The following USP6NL variants were observed in gnomAD, a reference collection of about 807,000 sequenced individuals.
USP6NL encodes USP6 N-terminal like, also known as USP6 N-terminal-like protein.
Under a neutral mutation model 61.9 loss-of-function variants are expected in USP6NL, and 26 were observed. The observed-to-expected ratio is 0.42, with a 90% CI of 0.31 to 0.58. The LOEUF (loss-of-function observed/expected upper bound fraction) is 0.58. USP6NL is among the 20% of genes least tolerant of loss of function. The probability of loss-of-function intolerance (pLI) is 0.16; values close to 1 mark genes in which losing one functional copy is unlikely to be tolerated. For synonymous variants in USP6NL, 432 were observed against 390.1 expected (o/e 1.11, Z -1.27); for missense variants, 1,114 against 1,034.3 (o/e 1.08, Z -1.06).
intron 2 of USP6NL, among the ~76,000 whole-genome samples, chr10:11,578,284 G>A (rs995187312): frequency 7.2e-5 from 11 of 152,160 alleles, no homozygotes; most frequent in Admixed American, 3.9e-4. Flanking sequence ...TGTAATTTAT[G>A]AACAATTCAT....
At chr10:11,480,560 C>T (rs771674927) in intron 14 of USP6NL, among the ~76,000 whole-genome samples, 4 of 152,214 alleles carry the variant, frequency 2.6e-5, no homozygotes, top group Non-Finnish European at 5.9e-5. Context: ...AGGCCAAGGC[C>T]CACACCCCAT....
At chr10:11,501,012 C>A in intron 7 of USP6NL, 89 bp downstream of exon 7, 1 of 1,001,774 alleles carries the variant, frequency 1.0e-6, no homozygotes, top group South Asian at 2.4e-5. Flanking sequence ...TTTAAGTGAT[C>A]ATATGAATAT....
intron 2 of USP6NL, among the ~76,000 whole-genome samples, chr10:11,579,869 T>C (rs192496307): frequency 2.7e-5 from 4 of 150,824 alleles, no homozygotes; most frequent in Admixed American, 1.4e-4. Context: ...CTCAACTCTA[T>C]TGTACAATAC....
intron 6 of USP6NL, among the ~76,000 whole-genome samples, chr10:11,504,684 C>T (rs968463138): frequency 6.6e-6 from 1 of 152,222 alleles, no homozygotes; most frequent in East Asian, 1.9e-4. Context: ...TTGTGGCCAA[C>T]GCTTATGAGG....
At chr10:11,514,617 C>T (rs1834877509) in intron 5 of USP6NL, among the ~76,000 whole-genome samples, 1 of 152,128 alleles carries the variant, frequency 6.6e-6, no homozygotes, top group Non-Finnish European at 1.5e-5. Context: ...TTTACCATTT[C>T]TTAGTGTTCT....
rs1159209087 is a variant in USP6NL, at chr10:11,478,756, T to G, written c.1078+3014A>C. The stretch of plus-strand genomic sequence containing the variant: ...CCTGCCTCTACAAAAAATACTAAAA[T>G]TACCCAGGAGTGGTGGCATGCACCT... On this transcript the variant is annotated intron_variant, in intron 14 of 14. Coordinates refer to ENST00000609104, the MANE Select transcript of USP6NL (RefSeq NM_014688.5). This position sits in a 1 kb window ranked among gnomAD's most constrained non-coding sequence, Gnocchi z 6.8. Among the ~76,000 whole-genome samples, 2 of 151,958 alleles carry G rather than the reference T, an allele frequency of 1.3e-5. No homozygotes were observed. Among genetic ancestry groups the G allele is most frequent in the African/African-American group, 4.8e-5 (2 of 41,362 alleles).
rs374849121 is a variant in USP6NL, at chr10:11,463,160, C to T, written c.1768G>A (p.Ala590Thr). Reference sequence around the variant, plus strand: ...TTTGATGGACTAGAACTTGGCTCAGCGTGCTTTCTCGGGCTAGGAGGGTAA... The same window carrying T: ...TTTGATGGACTAGAACTTGGCTCAGTGTGCTTTCTCGGGCTAGGAGGGTAA... ...ALYPPSPRKH[A>T]EPSSSPSKVS... Residue 590 changes from alanine (A) to threonine (T), a missense_variant, in exon 15 of 15, where the codon GCT becomes ACT. Transcript: ENST00000609104. The surrounding 1 kb of genome is among the most constrained non-coding windows in gnomAD (Gnocchi z 6.3). 1.1e-5 allele frequency: 18 copies of T among 1,613,744 alleles called. No individual in the cohort carries two copies. The highest frequency in any genetic ancestry group is 1.5e-5 in the Non-Finnish European group (18 of 1,179,890).
At chr10:11,502,284 G>A (rs1362478065) in intron 6 of USP6NL, among the ~76,000 whole-genome samples, 6 of 149,872 alleles carry the variant, frequency 4.0e-5, no homozygotes, top group Admixed American at 4.0e-4. Context: ...AGAAACATTT[G>A]TGTCATCAAC....
intron 2 of USP6NL, among the ~76,000 whole-genome samples, chr10:11,538,974 T>C (rs1227397850): frequency 6.6e-6 from 1 of 152,234 alleles, no homozygotes; most frequent in Non-Finnish European, 1.5e-5. Context: ...TCTGCTCATG[T>C]GGCTGGGTGT....
rs946756527 is a variant in USP6NL at position 11,575,045 on chromosome 10, G to A, written c.4+22586C>T. Among the ~76,000 whole-genome samples the A allele has an allele frequency of 3.9e-5, 6 of 152,162 alleles. No homozygotes were observed. Among genetic ancestry groups the A allele is most frequent in the African/African-American group, 1.2e-4 (5 of 41,432 alleles). On this transcript the variant is annotated intron_variant, in intron 2 of 14. Transcript: ENST00000609104. This position sits in a 1 kb window ranked among gnomAD's most constrained non-coding sequence, Gnocchi z 4.2. ...GAAATCAGTGCTCCAAGCCATGACA[G>A]TGAGAAAATACTTGGAAAGAGAGGA...
chr10:11,586,094 T>C (rs1320566656), intron 2 of USP6NL, among the ~76,000 whole-genome samples: 1 of 152,232 alleles, frequency 6.6e-6, no homozygotes, highest in African/African-American at 2.4e-5. Context: ...TACTTTACCA[T>C]AATTTTTTAA....
rs943823358 is a variant in USP6NL at position 11,595,028 on chromosome 10, T to C, written c.4+2603A>G. On this transcript the variant is annotated intron_variant, in intron 2 of 14. Coordinates refer to ENST00000609104, the MANE Select transcript of USP6NL (RefSeq NM_014688.5). This position sits in a 1 kb window ranked among gnomAD's most constrained non-coding sequence, Gnocchi z 5.3. ...CTGTGTGGGTGACAGGCAGTGGCTC[T>C]AGGAACTAGCAGACTACTCAGAAGC... Among the ~76,000 whole-genome samples, 2 of 152,176 alleles carry C rather than the reference T, an allele frequency of 1.3e-5. No individual in the cohort carries two copies. Among genetic ancestry groups the C allele is most frequent in the African/African-American group, 4.8e-5 (2 of 41,436 alleles).
chr10:11,529,104 T>G (rs1835539224), intron 2 of USP6NL, among the ~76,000 whole-genome samples: 1 of 152,058 alleles, frequency 6.6e-6, no homozygotes, highest in Non-Finnish European at 1.5e-5. Context: ...AAAATAAGAC[T>G]TACAGATTGC....
intron 7 of USP6NL, among the ~76,000 whole-genome samples, chr10:11,498,427 G>T (rs564044590): frequency 6.6e-6 from 1 of 151,582 alleles, no homozygotes; most frequent in Non-Finnish European, 1.5e-5. Flanking sequence ...AAACATATTA[G>T]ATGGGAGCAG....
In USP6NL at chr10:11,507,938, T is replaced by C. The variant is rs886511749; in HGVS notation, c.276+1657A>G. Among the ~76,000 whole-genome samples the C allele has an allele frequency of 3.3e-5, 5 of 152,350 alleles. No individual in the cohort carries two copies. In the East Asian group the frequency reaches 9.6e-4, roughly 29 times the overall value. Reference sequence around the variant, plus strand: ...GGTTTGACCCATGATAGTCTGCCTCTAGAATCTGCCTCTTCACCATCAGGC... The same window carrying C: ...GGTTTGACCCATGATAGTCTGCCTCCAGAATCTGCCTCTTCACCATCAGGC... On this transcript the variant is annotated intron_variant, in intron 6 of 14. Transcript: ENST00000609104.
intron 1 of USP6NL, among the ~76,000 whole-genome samples, chr10:11,599,272 T>C (rs1458168778): frequency 6.6e-6 from 1 of 152,232 alleles, no homozygotes; most frequent in Non-Finnish European, 1.5e-5. Context: ...AGAGTCCACT[T>C]AAATTTATAC....
At chr10:11,582,492 G>A (rs548094273) in intron 2 of USP6NL, among the ~76,000 whole-genome samples, 9 of 152,262 alleles carry the variant, frequency 5.9e-5, no homozygotes, top group Admixed American at 5.2e-4. Flanking sequence ...ATAAATTACA[G>A]CACATTACTA....
chr10:11,514,295 A>G (rs1834859213), intron 5 of USP6NL, among the ~76,000 whole-genome samples: 1 of 151,938 alleles, frequency 6.6e-6, no homozygotes, highest in Non-Finnish European at 1.5e-5. Flanking sequence ...TCATCCACTG[A>G]TGATCCCTAC....
At chr10:11,519,514 C>T (rs1474511438) in intron 4 of USP6NL, among the ~76,000 whole-genome samples, 1 of 152,118 alleles carries the variant, frequency 6.6e-6, no homozygotes, top group Admixed American at 6.5e-5. Context: ...CCTGTAATCC[C>T]AGCAACCTGG....
Sources: gnomAD v4.1 joint callset for allele counts (sites outside exome capture counted in the v4.1 genomes callset) on GRCh38, gnomAD v4.1.1 for gene constraint, Gnocchi (gnomAD v3.1) non-coding constraint, MANE v1.5 for transcripts, NCBI Gene and HGNC (gene_info 2026-07-23, HGNC 2026-07-21) for gene names.